PTPN21: variants seen among roughly 807,000 people sequenced by gnomAD.
The protein encoded by PTPN21 is tyrosine-protein phosphatase non-receptor type 21.
Under a neutral mutation model 131.8 loss-of-function variants are expected in PTPN21, and 77 were observed. That is an observed-to-expected ratio of 0.58 (90% CI 0.49 to 0.71). The LOEUF (loss-of-function observed/expected upper bound fraction) is 0.71. PTPN21 is among the 30% of genes least tolerant of loss of function. The probability of loss-of-function intolerance (pLI) is 0.00; values close to 1 mark genes in which losing one functional copy is unlikely to be tolerated. For missense variants in PTPN21, 1,552 were observed against 1,527.1 expected, an observed-to-expected ratio of 1.02 and a Z score of -0.27; for synonymous variants, 715 against 621.3, an observed-to-expected ratio of 1.15 and a Z score of -2.24.
chr14:88,546,469 G>T (rs1321141859), intron 2 of PTPN21, among the ~76,000 whole-genome samples: 1 of 151,678 alleles, frequency 6.6e-6, no homozygotes, highest in Admixed American at 6.6e-5. Context: ...CCAGCTACTG[G>T]GGAGGCTAAG....
chr14:88,488,692 C>T (rs2077773271), intron 10 of PTPN21, among the ~76,000 whole-genome samples: 1 of 151,948 alleles, frequency 6.6e-6, no homozygotes, highest in African/African-American at 2.4e-5. Context: ...GGCACATGCC[C>T]GTGTAGTGCC....
chr14:88,553,899 T>C (rs1183506740), intron 1 of PTPN21, among the ~76,000 whole-genome samples: 1 of 152,196 alleles, frequency 6.6e-6, no homozygotes, highest in East Asian at 1.9e-4. Flanking sequence ...TTTAGAGTAA[T>C]ATCTATAGCT....
chr14:88,543,228 C>A (rs528025161), intron 2 of PTPN21, among the ~76,000 whole-genome samples: 1 of 152,184 alleles, frequency 6.6e-6, no homozygotes, highest in South Asian at 2.1e-4. Context: ...TAACAAATCC[C>A]CTAGCGAAAA....
chr14:88,479,188 C>G lies in PTPN21; in HGVS notation c.2243G>C (p.Arg748Pro). 6.4e-7 allele frequency: 1 copy of G among 1,568,284 alleles called. No homozygotes were observed. The highest frequency in any genetic ancestry group is 1.2e-5 in the South Asian group (1 of 83,412). ...GLAQDPPGCP[R>P]VLLAGPLHIL... ...GTGCAGGGGCCCGGCGAGCAGGACG[C>G]GAGGGCAGCCAGGTGGGTCCTGGGC... The change falls in exon 13 of 19, where the codon CGC becomes CCC. Residue 748 changes from arginine (R) to proline (P), a missense_variant. Arg to Pro is a moderately radical substitution (Grantham distance 103). Around this residue, in one of 4 missense-constraint regions of PTPN21, gnomAD observed 1,016 missense variants for 883.5 expected, o/e 1.15. Coordinates refer to ENST00000556564, the MANE Select transcript of PTPN21 (RefSeq NM_007039.4).
At chr14:88,495,090 G>C (rs562816744) in intron 10 of PTPN21, among the ~76,000 whole-genome samples, 6 of 148,828 alleles carry the variant, frequency 4.0e-5, no homozygotes, top group East Asian at 2.0e-4. Context: ...GATCATTCTG[G>C]CTGACATATG....
chr14:88,535,134 G>GTT lies in PTPN21; in HGVS notation c.180+15102_180+15103dup, dbSNP rs1487726544. 5.3e-5 allele frequency among the ~76,000 whole-genome samples: 8 copies of GTT among 152,088 alleles called. No individual in the cohort carries two copies. The East Asian group carries it at 1.4e-3, about 26-fold the overall frequency. On this transcript the variant is annotated intron_variant, in intron 2 of 18. Transcript: ENST00000556564. ...TTTAAGTACACAAATACTCACCATT[G>GTT]TTATATATATATAATTACCTACAGT...
chr14:88,479,211 G>T lies in PTPN21; in HGVS notation c.2220C>A (p.Ala740=). Residue 740 remains alanine (A), a synonymous_variant, in exon 13 of 19, where the codon GCC becomes GCA. Transcript: ENST00000556564. ...CGCGAGGGCAGCCAGGTGGGTCCTG[G>T]GCCAGGCCGGGCCGAGGCTCGCGCG... The part of the protein sequence containing the change: ...ARAREPRPGL[A]QDPPGCPRVL... 4 of 1,595,252 alleles carry T rather than the reference G, an allele frequency of 2.5e-6. No homozygotes were observed. Among genetic ancestry groups the T allele is most frequent in the Non-Finnish European group, 3.4e-6 (4 of 1,171,236 alleles).
intron 15 of PTPN21, chr14:88,470,257 T>C (rs2077440037): frequency 1.7e-6 from 1 of 582,830 alleles, no homozygotes; most frequent in South Asian, 2.1e-5. Context: ...TTTATAAACT[T>C]AGGTACTGTG....
intron 3 of PTPN21, among the ~76,000 whole-genome samples, chr14:88,508,371 T>A (rs1999176): frequency 6.6e-6 from 1 of 151,794 alleles, no homozygotes; most frequent in Admixed American, 6.6e-5. Context: ...GGCTGTTCTC[T>A]AACTCCTGGG....
At chr14:88,487,280 C>T (rs928149074) in intron 10 of PTPN21, among the ~76,000 whole-genome samples, 1 of 151,986 alleles carries the variant, frequency 6.6e-6, no homozygotes, top group Non-Finnish European at 1.5e-5. Flanking sequence ...TACCTTTTAC[C>T]ACCTATTCCT....
intron 2 of PTPN21, among the ~76,000 whole-genome samples, chr14:88,540,167 A>G (rs112388581): frequency 2.6e-4 from 40 of 152,340 alleles, no homozygotes; most frequent in Admixed American, 3.3e-4. Context: ...TATTATTCCA[A>G]CTAACAAATT....
At chr14:88,540,837 A>AT (rs1198757741) in intron 2 of PTPN21, among the ~76,000 whole-genome samples, 1 of 151,796 alleles carries the variant, frequency 6.6e-6, no homozygotes, top group Non-Finnish European at 1.5e-5. Flanking sequence ...TAATTTTTTA[A>AT]TTTTTTGTAT....
chr14:88,517,145 A>C lies in PTPN21; in HGVS notation c.297T>G (p.Phe99Leu), dbSNP rs923993451. Residue 99 changes from phenylalanine (F) to leucine (L), a missense_variant, in exon 3 of 19, where the codon TTT becomes TTG. Phe to Leu is a conservative substitution (Grantham distance 22, BLOSUM62 0). This residue lies in a region of PTPN21 where 206 missense variants were observed against 221.6 expected (regional missense o/e 0.93). Coordinates refer to ENST00000556564, the MANE Select transcript of PTPN21 (RefSeq NM_007039.4). ...CTGAAGGCACATAAAACACCACTCC[A>C]AAATAGACGGTAGGTTCCAATGCAT... ...DKYALEPTVY[F>L]GVVFYVPSVS... 2.5e-6 allele frequency: 4 copies of C among 1,614,106 alleles called. No individual in the cohort carries two copies. Among genetic ancestry groups the C allele is most frequent in the Non-Finnish European group, 2.5e-6 (3 of 1,179,982 alleles).
In PTPN21 at chr14:88,535,712, ACAGT is replaced by A. The variant is rs2078621316; in HGVS notation, c.180+14522_180+14525del. On this transcript the variant is annotated intron_variant, in intron 2 of 18. Coordinates refer to ENST00000556564, the MANE Select transcript of PTPN21 (RefSeq NM_007039.4). ...CCTTGAAAATATCACTATTCAAATA[ACAGT>A]CAAACTAATTTCTTCCTTTAAAGTC... Among the ~76,000 whole-genome samples the A allele has an allele frequency of 2.6e-5, 4 of 152,214 alleles. No homozygotes were observed. In the South Asian group the frequency reaches 8.3e-4, roughly 31 times the overall value.
intron 1 of PTPN21, 57 bp from the exon 2 acceptor site, chr14:88,550,676 T>C (rs1020442935): frequency 8.8e-6 from 3 of 341,234 alleles, no homozygotes; most frequent in Non-Finnish European, 1.6e-5. Context: ...TTTGCTTGTA[T>C]AAAGAAAAGC....
rs566827757 is a variant in PTPN21 at position 88,493,286 on chromosome 14, T to C, written c.932+3127A>G. ...GAGGTAGAAAAAACAACTTTCAGAG[T>C]GGTGTCAAGGACTAAGCAAACTGAA... On this transcript the variant is annotated intron_variant, in intron 10 of 18. Transcript: ENST00000556564. 3.9e-5 allele frequency: 13 copies of C among 335,936 alleles called. No homozygotes were observed. The East Asian group carries it at 1.1e-3, about 28-fold the overall frequency. 20.8% of individuals were successfully genotyped at this position (335,936 alleles called of 1,614,324 possible).
chr14:88,512,435 TA>T (rs1384356715), intron 3 of PTPN21: 4 of 152,212 alleles, frequency 2.6e-5, no homozygotes, highest in Non-Finnish European at 5.9e-5. Context: ...TCTCTTGCTA[TA>T]AAAAAGAAAG....
chr14:88,546,843 A>T (rs948237345), intron 2 of PTPN21, among the ~76,000 whole-genome samples: 1 of 152,192 alleles, frequency 6.6e-6, no homozygotes, highest in Non-Finnish European at 1.5e-5. Flanking sequence ...ATTTGTTAAG[A>T]TTAGGCCTGA....
rs566899195 is a variant in PTPN21 at position 88,468,943 on chromosome 14, G to T, written c.3369C>A (p.Ile1123=). 5 of 1,614,200 alleles carry T rather than the reference G, an allele frequency of 3.1e-6. No homozygotes were observed. The African/African-American group carries it at 6.7e-5, about 22-fold the overall frequency. ...CATTGTGTTCCAGGCAGGCGATCAT[G>T]ATCTCCGACAAAATCACCACGCCAG... ...GRTGVVILSE[I]MIACLEHNEV... is the part of the protein sequence containing the mutation. The change falls in exon 18 of 19, where the codon ATC becomes ATA. Residue 1123 remains isoleucine, a synonymous_variant. Transcript: ENST00000556564.
Sources: allele counts gnomAD v4.1 joint callset (sites outside exome capture counted in the v4.1 genomes callset), GRCh38; gene constraint gnomAD v4.1.1; regional missense constraint gnomAD v4.1.1; transcripts MANE v1.5; gene names NCBI Gene and HGNC (gene_info 2026-07-23, HGNC 2026-07-21).